The following KRT17 variants were observed in gnomAD, a reference collection of about 807,000 sequenced individuals.
KRT17 encodes the protein keratin, type I cytoskeletal 17.
A neutral mutation model predicts 45.6 loss-of-function variants in KRT17; 29 were observed. The ratio of observed to expected loss-of-function variants is 0.64; its 90% CI spans 0.47 to 0.87. The LOEUF (loss-of-function observed/expected upper bound fraction) is 0.87, where lower values mean the gene tolerates loss of function less well. Ranked by LOEUF, KRT17 falls within the 40% of genes least tolerant of loss-of-function variation. KRT17 has a pLI of 0.00. For missense variants in KRT17, 536 were observed against 577.8 expected (o/e 0.93, Z 0.74); for synonymous variants, 219 against 234.6 (o/e 0.93, Z 0.61).
rs201636904 is a variant in KRT17 at position 41,620,653 on chromosome 17, A to C, written c.1181+6T>G. ...CCCAGCCCTGACCCCAGGCGCCCCC[A>C]CTCACTGGGCATCCTCTCCCTCCAG... On this transcript the variant is annotated splice_donor_region_variant and intron_variant, in intron 6 of 7. Transcript: ENST00000311208. The C allele has an allele frequency of 6.2e-7, 1 of 1,609,800 alleles. No homozygotes were observed. The highest frequency in any genetic ancestry group is 1.7e-5 in the Admixed American group (1 of 59,826).
At position 41,623,151 on chromosome 17, in the gene KRT17, G is replaced by T. The variant is rs556386383; in HGVS notation, c.433-119C>A. ...TCTCGCCCAGCCCCTCCCTTGCCCCGTGCTGTATTATTGGCAGAGGAGGGG... is the reference window on the plus strand; with the variant it reads ...TCTCGCCCAGCCCCTCCCTTGCCCCTTGCTGTATTATTGGCAGAGGAGGGG... On this transcript the variant is annotated intron_variant, in intron 1 of 7. Transcript: ENST00000311208. 5 of 796,442 alleles carry T rather than the reference G, an allele frequency of 6.3e-6. No individual in the cohort carries two copies. The East Asian group carries it at 7.8e-5, about 12-fold the overall frequency. 49.3% of individuals were successfully genotyped at this position (796,442 alleles called of 1,614,324 possible).
At position 41,620,639 on chromosome 17, in the gene KRT17, C is replaced by T. The variant is rs1367758084; in HGVS notation, c.1181+20G>A. 6.2e-7 allele frequency: 1 copy of T among 1,611,684 alleles called. No individual in the cohort carries two copies. Among genetic ancestry groups the T allele is most frequent in the Non-Finnish European group, 8.5e-7 (1 of 1,179,746 alleles). On this transcript the variant is annotated intron_variant, in intron 6 of 7. Transcript: ENST00000311208. ...CCTGCCAAGAGACCCCCAGCCCTGA[C>T]CCCAGGCGCCCCCACTCACTGGGCA...
chr17:41,622,354 C>T lies in KRT17; in HGVS notation c.672+1G>A, dbSNP rs1392947985. ...TTGACCTTCTGCCCCAGCCACCTCA[C>T]CTCCTCGTGGTTCTTCTTCAGGTAG... On this transcript the variant is annotated splice_donor_variant, in intron 3 of 7. Transcript: ENST00000311208. LOFTEE classifies it high-confidence loss of function. The T allele has an allele frequency of 5.0e-6, 8 of 1,613,146 alleles. No individual in the cohort carries two copies. Among genetic ancestry groups the T allele is most frequent in the Non-Finnish European group, 5.9e-6 (7 of 1,180,000 alleles).
chr17:41,622,029 T>C (rs942965399), intron 3 of KRT17: 16 of 597,020 alleles, frequency 2.7e-5, no homozygotes, highest in Admixed American at 2.1e-4. Context: ...CAAGCTTCTA[T>C]GTAGATGTTC....
chr17:41,624,445 C>A lies in KRT17; in HGVS notation c.65G>T (p.Gly22Val). 1 of 1,610,022 alleles carries A rather than the reference C, an allele frequency of 6.2e-7. No individual in the cohort carries two copies. Residue 22 changes from glycine to valine, a missense_variant, in exon 1 of 8, where the codon GGC (glycine) becomes GTC (valine). Coordinates refer to ENST00000311208, the MANE Select transcript of KRT17 (RefSeq NM_000422.3). ...SSIKGSSGLGGGSSRTSCRLS... is the reference protein window; with the variant it reads ...SSIKGSSGLGVGSSRTSCRLS... ...CCGGCAGGAGGTGCGGGACGAGCCG[C>A]CCCCCAGGCCGGAGGAGCCCTTGAT...
intron 1 of KRT17, 57 bp downstream of exon 1, chr17:41,624,021 G>A (rs954096734): frequency 2.1e-5 from 34 of 1,610,310 alleles, no homozygotes; most frequent in Admixed American, 6.7e-5. Context: ...GGCCAAGGCA[G>A]GAGTTGGGGG....
intron 1 of KRT17, chr17:41,623,272 G>A (rs926781628): frequency 2.1e-6 from 1 of 486,596 alleles, no homozygotes; most frequent in Non-Finnish European, 3.9e-6. Context: ...TAAAGGAGAA[G>A]AGACAGCTGG....
chr17:41,620,467 A>G, intron 7 of KRT17, 69 bp downstream of exon 7: 1 of 1,611,304 alleles, frequency 6.2e-7, no homozygotes, highest in Non-Finnish European at 8.5e-7. Context: ...ACCCTGCCCC[A>G]GCAACGTGCA....
In KRT17 at chr17:41,619,599, G is replaced by A. The variant is rs369304694; in HGVS notation, c.1294C>T (p.Arg432Cys). ...CGGCCGGGGTAGCTGAGTCCTCAGC[G>A]GGTGGTCTGGTGGACCTGCTCGCGG... is the stretch of plus-strand genomic sequence containing the variant. ...SSREQVHQTT[R>C] The change falls in exon 8 of 8, where the codon CGC (arginine) becomes TGC (cysteine). Residue 432 changes from arginine to cysteine, a missense_variant. Physicochemically the swap from Arg to Cys is radical, Grantham distance 180 (BLOSUM62 -3). Transcript: ENST00000311208. 3.0e-5 allele frequency: 49 copies of A among 1,612,198 alleles called. No homozygotes were observed. The East Asian group carries it at 3.3e-4, about 11-fold the overall frequency.
chr17:41,622,587 C>T, intron 2 of KRT17, 76 bp from the exon 3 acceptor site: 1 of 1,553,926 alleles, frequency 6.4e-7, no homozygotes, highest in Non-Finnish European at 8.9e-7. Flanking sequence ...CACCTGCCTT[C>T]ATTTTGCCAG....
intron 1 of KRT17, 60 bp from the exon 2 acceptor site, chr17:41,623,092 T>A (rs1597692185): frequency 7.8e-7 from 1 of 1,281,448 alleles, no homozygotes; most frequent in East Asian, 2.3e-5. Flanking sequence ...CACACCAGGG[T>A]TCTGAGCAGA....
chr17:41,621,325 G>A (rs1478705266), intron 4 of KRT17, among the ~76,000 whole-genome samples: 1 of 152,246 alleles, frequency 6.6e-6, no homozygotes, highest in Non-Finnish European at 1.5e-5. Flanking sequence ...CTTGATGCTA[G>A]TTCCTGACTT....
chr17:41,624,203 G>A lies in KRT17; in HGVS notation c.307C>T (p.Arg103Cys), dbSNP rs765879104. 1.4e-5 allele frequency: 23 copies of A among 1,612,580 alleles called. No homozygotes were observed. Among genetic ancestry groups the A allele is most frequent in the Admixed American group, 8.3e-5 (5 of 60,010 alleles). Reference protein sequence around the residue: ...DRLASYLDKVRALEEANTELE... With the variant: ...DRLASYLDKVCALEEANTELE... ...TCAGTGTTGGCCTCCTCCAGGGCAC[G>A]CACCTTGTCCAGGTAGGAGGCCAGG... The change falls in exon 1 of 8, where the codon CGT becomes TGT. Residue 103 changes from arginine to cysteine, a missense_variant. Physicochemically the swap from Arg to Cys is radical, Grantham distance 180. Coordinates refer to ENST00000311208, the MANE Select transcript of KRT17 (RefSeq NM_000422.3).
Position 41,624,493 on chromosome 17 carries a change from C to A in KRT17, c.17G>T (p.Arg6Leu). Residue 6 changes from arginine (R) to leucine (L), a missense_variant, in exon 1 of 8, where the codon CGC becomes CTC. By Grantham distance (102) the Arg-to-Leu change is moderately radical (BLOSUM62 -2). Transcript: ENST00000311208. ...GATGGAGCTGGAGGAGGTGAACTGGCGGATGGAGGTGGTCATGGTGGCGGC... is the reference window on the plus strand; with the variant it reads ...GATGGAGCTGGAGGAGGTGAACTGGAGGATGGAGGTGGTCATGGTGGCGGC... MTTSI[R>L]QFTSSSSIKG... 4 of 1,609,982 alleles carry A rather than the reference C, an allele frequency of 2.5e-6. No homozygotes were observed. The highest frequency in any genetic ancestry group is 3.4e-6 in the Non-Finnish European group (4 of 1,179,372).
Position 41,624,481 on chromosome 17 carries a change from G to T in KRT17, c.29C>A (p.Ser10Tyr). 2 of 1,610,522 alleles carry T rather than the reference G, an allele frequency of 1.2e-6. No individual in the cohort carries two copies. Among genetic ancestry groups the T allele is most frequent in the Non-Finnish European group, 1.7e-6 (2 of 1,179,612 alleles). ...GGAGGAGCCCTTGATGGAGCTGGAGGAGGTGAACTGGCGGATGGAGGTGGT... is the reference window on the plus strand; with the variant it reads ...GGAGGAGCCCTTGATGGAGCTGGAGTAGGTGAACTGGCGGATGGAGGTGGT... MTTSIRQFT[S>Y]SSSIKGSSGL... The change falls in exon 1 of 8, where the codon TCC becomes TAC. Residue 10 changes from serine (S) to tyrosine (Y), a missense_variant. By Grantham distance (144) the Ser-to-Tyr change is moderately radical (BLOSUM62 -2). Coordinates refer to ENST00000311208, the MANE Select transcript of KRT17 (RefSeq NM_000422.3).
rs750616688 is a variant in KRT17 at position 41,620,809 on chromosome 17, C to T, written c.1031G>A (p.Gly344Glu). The T allele has an allele frequency of 3.1e-6, 5 of 1,613,352 alleles. No homozygotes were observed. The Middle Eastern group carries it at 5.5e-4, about 176-fold the overall frequency. The change falls in exon 6 of 8, where the codon GGG becomes GAG. Residue 344 changes from glycine (G) to glutamate (E), a missense_variant. Physicochemically the swap from Gly to Glu is moderately conservative, Grantham distance 98. Transcript: ENST00000311208. ...CTGCTCCTCCACGCTGCCAATCAGCCCCTGGATCTGGGACAGCTGCACGCA... is the reference window on the plus strand; with the variant it reads ...CTGCTCCTCCACGCTGCCAATCAGCTCCTGGATCTGGGACAGCTGCACGCA... Reference protein sequence around the residue: ...RYCVQLSQIQGLIGSVEEQLA... With the variant: ...RYCVQLSQIQELIGSVEEQLA...
At chr17:41,623,131 C>A (rs537056610) in intron 1 of KRT17, 99 bp from the exon 2 acceptor site, 6 of 891,540 alleles carry the variant, frequency 6.7e-6, no homozygotes, top group South Asian at 6.6e-5. Context: ...TCTCTTCTCG[C>A]CCAGCCCCTC....
At chr17:41,623,078 A>C in intron 1 of KRT17, 46 bp from the exon 2 acceptor site, 8 of 1,400,376 alleles carry the variant, frequency 5.7e-6, no homozygotes, top group Non-Finnish European at 8.1e-6. Flanking sequence ...GGGGTGGCTG[A>C]GCCCACACCA....
intron 6 of KRT17, 27 bp downstream of exon 6, chr17:41,620,632 G>A: frequency 6.2e-7 from 1 of 1,610,784 alleles, no homozygotes; most frequent in Non-Finnish European, 8.5e-7. Flanking sequence ...GAGACCCCCA[G>A]CCCTGACCCC....
Sources: allele counts gnomAD v4.1 joint callset (sites outside exome capture counted in the v4.1 genomes callset), GRCh38; gene constraint gnomAD v4.1.1; transcripts MANE v1.5; gene names NCBI Gene and HGNC (gene_info 2026-07-23, HGNC 2026-07-21).